The following FAM117B variants were observed in gnomAD, a reference collection of about 807,000 sequenced individuals.
FAM117B encodes the protein protein FAM117B.
A neutral mutation model predicts 52.8 loss-of-function variants in FAM117B; 22 were observed. That is an observed-to-expected ratio of 0.42 (90% CI 0.30 to 0.59). The LOEUF is 0.59. Among genes scored for constraint, FAM117B ranks in the 20% least tolerant of loss-of-function variants. The probability of loss-of-function intolerance (pLI) is 0.22; values close to 1 mark genes in which losing one functional copy is unlikely to be tolerated. For synonymous variants in FAM117B, 309 were observed against 324.1 expected, an observed-to-expected ratio of 0.95 and a Z score of 0.50; for missense variants, 678 against 802.6, an observed-to-expected ratio of 0.84 and a Z score of 1.88.
chr2:202,760,531 GGTT>G (rs1691870299), intron 7 of FAM117B, among the ~76,000 whole-genome samples: 1 of 152,118 alleles, frequency 6.6e-6, no homozygotes, highest in Non-Finnish European at 1.5e-5. Flanking sequence ...GCTTCCCATG[GGTT>G]AAGGCAGTGT....
intron 1 of FAM117B, among the ~76,000 whole-genome samples, chr2:202,638,065 A>G (rs1689714349): frequency 6.6e-6 from 1 of 151,972 alleles, no homozygotes; most frequent in Non-Finnish European, 1.5e-5. Flanking sequence ...TAGTAGATAC[A>G]GGGTTTCTCC....
intron 2 of FAM117B, among the ~76,000 whole-genome samples, chr2:202,699,224 C>T (rs966898533): frequency 4.0e-5 from 6 of 151,590 alleles, no homozygotes; most frequent in Non-Finnish European, 5.9e-5. Context: ...GTCAGGAGTT[C>T]GAGACCAGCC....
rs573654329 is a variant in FAM117B, at chr2:202,699,746, C to A, written c.753+3714C>A. Reference sequence around the variant, plus strand: ...GGTTTGACCATTTAAAAATACATGCCTATGTCATTTTATTGAACTTTATTG... The same window carrying A: ...GGTTTGACCATTTAAAAATACATGCATATGTCATTTTATTGAACTTTATTG... On this transcript the variant is annotated intron_variant, in intron 2 of 7. Transcript: ENST00000392238. Among the ~76,000 whole-genome samples the A allele has an allele frequency of 6.6e-5, 10 of 152,170 alleles. No homozygotes were observed. The East Asian group carries it at 1.9e-3, about 29-fold the overall frequency.
intron 1 of FAM117B, among the ~76,000 whole-genome samples, chr2:202,643,150 G>C (rs771986456): frequency 6.6e-6 from 1 of 152,126 alleles, no homozygotes; most frequent in Non-Finnish European, 1.5e-5. Flanking sequence ...TAATGTGGAC[G>C]GAAGGAAAGT....
intron 1 of FAM117B, among the ~76,000 whole-genome samples, chr2:202,692,140 T>C (rs568398391): frequency 6.6e-6 from 1 of 152,350 alleles, no homozygotes; most frequent in South Asian, 2.1e-4. Context: ...CTTACCAAGA[T>C]AATAATGTAA....
intron 1 of FAM117B, among the ~76,000 whole-genome samples, chr2:202,687,021 A>G (rs571861793): frequency 6.6e-6 from 1 of 152,316 alleles, no homozygotes; most frequent in Non-Finnish European, 1.5e-5. Context: ...AGCCAGTAGT[A>G]TAGTTCTAGA....
intron 2 of FAM117B, among the ~76,000 whole-genome samples, chr2:202,709,296 G>A (rs1201768165): frequency 1.3e-5 from 2 of 151,584 alleles, no homozygotes; most frequent in Non-Finnish European, 1.5e-5. Context: ...TCTGCCTCCC[G>A]GGTTCAAGCG....
At chr2:202,644,064 G>GTTTTTTT (rs1161026426) in intron 1 of FAM117B, among the ~76,000 whole-genome samples, 7 of 95,150 alleles carry the variant, frequency 7.4e-5, no homozygotes, top group African/African-American at 2.2e-4. Context: ...TTTTTTTTTT[G>GTTTTTTT]TTTTTTTTTT....
chr2:202,689,315 G>A (rs1045229099), intron 1 of FAM117B, among the ~76,000 whole-genome samples: 3 of 152,150 alleles, frequency 2.0e-5, no homozygotes, highest in Non-Finnish European at 4.4e-5. Flanking sequence ...AGTGGCGTAC[G>A]CCTGGAGTCT....
At chr2:202,657,514 T>TA (rs1690071354) in intron 1 of FAM117B, among the ~76,000 whole-genome samples, 1 of 151,888 alleles carries the variant, frequency 6.6e-6, no homozygotes, top group Non-Finnish European at 1.5e-5. Context: ...GGAGACAGGG[T>TA]CTTGCTCTGT....
chr2:202,670,833 A>G (rs958733000), intron 1 of FAM117B, among the ~76,000 whole-genome samples: 1 of 152,218 alleles, frequency 6.6e-6, no homozygotes, highest in Admixed American at 6.5e-5. Context: ...GTTAGGGACT[A>G]GCATCTGTTA....
At chr2:202,643,017 G>A (rs1194347654) in intron 1 of FAM117B, among the ~76,000 whole-genome samples, 1 of 152,194 alleles carries the variant, frequency 6.6e-6, no homozygotes, top group Non-Finnish European at 1.5e-5. Flanking sequence ...CTGGAGAATA[G>A]GCCTTTGAAT....
chr2:202,647,436 T>A lies in FAM117B; in HGVS notation c.601+11648T>A, dbSNP rs192272827. 3.7e-3 allele frequency among the ~76,000 whole-genome samples: 571 copies of A among 152,302 alleles called. 5 individuals carry two copies. The highest frequency in any genetic ancestry group is 0.01 in the Middle Eastern group (3 of 294). On this transcript the variant is annotated intron_variant, in intron 1 of 7. Transcript: ENST00000392238. ...ATTTCAACAAAACGTGTATATATATTTTTTTCTGTACAAATACTCAGTTCT... is the reference window on the plus strand; with the variant it reads ...ATTTCAACAAAACGTGTATATATATATTTTTCTGTACAAATACTCAGTTCT...
chr2:202,697,644 G>A (rs968021926), intron 2 of FAM117B, among the ~76,000 whole-genome samples: 12 of 150,794 alleles, frequency 8.0e-5, no homozygotes, highest in East Asian at 3.9e-4. Context: ...ACTGCCTCCC[G>A]GATTCAAGCG....
At chr2:202,730,562 C>T (rs758515389) in intron 4 of FAM117B, among the ~76,000 whole-genome samples, 3 of 151,960 alleles carry the variant, frequency 2.0e-5, no homozygotes, top group East Asian at 1.9e-4. Context: ...CCAAGCTACT[C>T]GGGAGGCTGA....
chr2:202,720,105 A>T (rs760844177), intron 2 of FAM117B, among the ~76,000 whole-genome samples: 1 of 152,156 alleles, frequency 6.6e-6, no homozygotes. Context: ...AGAAACATTC[A>T]TTGGTTTTAG....
intron 4 of FAM117B, among the ~76,000 whole-genome samples, chr2:202,731,421 TTTTTA>T (rs1559111665): frequency 6.9e-6 from 1 of 145,774 alleles, no homozygotes; most frequent in South Asian, 2.2e-4. Flanking sequence ...CTTTTATTTA[TTTTTA>T]TTTTATTTTA....
intron 1 of FAM117B, among the ~76,000 whole-genome samples, chr2:202,689,933 C>A (rs1052188735): frequency 6.6e-6 from 1 of 152,000 alleles, no homozygotes; most frequent in Non-Finnish European, 1.5e-5. Flanking sequence ...CAGAGTGAGA[C>A]CCTGTCTCCA....
intron 1 of FAM117B, among the ~76,000 whole-genome samples, chr2:202,688,875 TAAAAC>T (rs988680861): frequency 1.3e-5 from 2 of 152,314 alleles, no homozygotes; most frequent in Admixed American, 6.5e-5. Context: ...GAACAGATCT[TAAAAC>T]AAGTCTAAAA....
Sources: gnomAD v4.1 joint callset for allele counts (sites outside exome capture counted in the v4.1 genomes callset) on GRCh38, gnomAD v4.1.1 for gene constraint, MANE v1.5 for transcripts, NCBI Gene and HGNC (gene_info 2026-07-23, HGNC 2026-07-21) for gene names.